Variants in MRPS6 observed in about 807,000 individuals in gnomAD.
The protein encoded by MRPS6 is mitochondrial ribosomal protein S6.
Under a neutral mutation model 13.1 loss-of-function variants are expected in MRPS6, and 6 were observed. The observed-to-expected ratio is 0.46, with a 90% CI of 0.25 to 0.91. The LOEUF (loss-of-function observed/expected upper bound fraction) is 0.91. Ranked by LOEUF, MRPS6 falls within the 40% of genes least tolerant of loss-of-function variation. The probability of loss-of-function intolerance (pLI) is 0.18; values close to 1 mark genes in which losing one functional copy is unlikely to be tolerated. For synonymous variants in MRPS6, 61 were observed against 56.5 expected (o/e 1.08, Z -0.36); for missense variants, 164 against 155.6 (o/e 1.05, Z -0.29).
intron 2 of MRPS6, among the ~76,000 whole-genome samples, chr21:34,133,179 T>C (rs1408499186): frequency 1.3e-5 from 2 of 152,234 alleles, no homozygotes; most frequent in Non-Finnish European, 2.9e-5. Flanking sequence ...TAGAGTCTTA[T>C]GAAAGACACT....
chr21:34,096,263 G>A lies in MRPS6; in HGVS notation c.45+22518G>A, dbSNP rs1378488107. The A allele has an allele frequency of 1.2e-6, 2 of 1,614,046 alleles. No homozygotes were observed. Among genetic ancestry groups the A allele is most frequent in the Non-Finnish European group, 1.7e-6 (2 of 1,180,024 alleles). On this transcript the variant is annotated intron_variant, in intron 1 of 2. Coordinates refer to ENST00000399312, the MANE Select transcript of MRPS6 (RefSeq NM_032476.4). The surrounding 1 kb of genome is among the most constrained non-coding windows in gnomAD (Gnocchi z 5.9). ...CCAATATTGCTTACCCACGCCTGGT[G>A]ATGAAGCTGGTTCCTGTGGGCCTTC...
intron 1 of MRPS6, among the ~76,000 whole-genome samples, chr21:34,074,238 C>G (rs1165196937): frequency 6.6e-6 from 1 of 151,558 alleles, no homozygotes; most frequent in Non-Finnish European, 1.5e-5. Flanking sequence ...CGCCCGCCGG[C>G]CGCCCGGAAC....
At chr21:34,095,439 G>A (rs1978924132) in intron 1 of MRPS6, 6 of 1,614,052 alleles carry the variant, frequency 3.7e-6, no homozygotes, top group East Asian at 2.2e-5. Flanking sequence ...TGCAGTGGGC[G>A]CATGGGAATT....
intron 1 of MRPS6, chr21:34,125,048 G>A (rs1602958671): frequency 3.6e-6 from 1 of 274,370 alleles, no homozygotes; most frequent in Non-Finnish European, 6.8e-6. Flanking sequence ...GTGCTCTGAA[G>A]AAGCCACTCA....
chr21:34,135,566 C>A, intron 2 of MRPS6: 1 of 459,932 alleles, frequency 2.2e-6, no homozygotes, highest in Admixed American at 2.4e-5. Context: ...CGGAGGGCAC[C>A]CTCAAGAGTG....
chr21:34,073,947 G>T (rs1989254965), intron 1 of MRPS6, among the ~76,000 whole-genome samples: 1 of 145,862 alleles, frequency 6.9e-6, no homozygotes, highest in Admixed American at 6.8e-5. Context: ...GCGCGCGGGA[G>T]GCGGGGGTGT....
intron 1 of MRPS6, 81 bp from the exon 2 acceptor site, chr21:34,125,260 C>G: frequency 6.5e-7 from 1 of 1,542,758 alleles, no homozygotes; most frequent in Admixed American, 2.1e-5. Flanking sequence ...ATGATTGGAA[C>G]TGAGCAGACT....
intron 1 of MRPS6, among the ~76,000 whole-genome samples, chr21:34,111,400 C>G (rs1979693945): frequency 6.6e-6 from 1 of 152,192 alleles, no homozygotes; most frequent in African/African-American, 2.4e-5. Flanking sequence ...TCTGATTGAC[C>G]TTAAATCTGT....
intron 1 of MRPS6, among the ~76,000 whole-genome samples, chr21:34,082,088 ATACTTAGG>A: frequency 6.6e-6 from 1 of 151,582 alleles, no homozygotes; most frequent in Non-Finnish European, 1.5e-5. Flanking sequence ...AACTAATTGA[ATACTTAGG>A]TACCATGGAT....
intron 1 of MRPS6, chr21:34,122,189 C>G (rs1242741008): frequency 1.3e-5 from 2 of 152,180 alleles, no homozygotes; most frequent in East Asian, 3.8e-4. Flanking sequence ...ACAGATCTAC[C>G]TTTAGCACAG....
intron 1 of MRPS6, chr21:34,095,882 A>G: frequency 3.7e-6 from 6 of 1,614,064 alleles, no homozygotes; most frequent in Non-Finnish European, 5.1e-6. Context: ...CTTCCATCTT[A>G]TTGACATACA....
chr21:34,104,064 A>G, intron 1 of MRPS6: 1 of 1,000,102 alleles, frequency 1.0e-6, no homozygotes, highest in Non-Finnish European at 1.2e-6. Flanking sequence ...TAACAGGGCA[A>G]ATACTACTTG....
intron 1 of MRPS6, among the ~76,000 whole-genome samples, chr21:34,115,019 T>G (rs975499210): frequency 6.6e-6 from 1 of 152,166 alleles, no homozygotes; most frequent in Non-Finnish European, 1.5e-5. Flanking sequence ...TTAAAGGCAT[T>G]TTGCCTACCT....
At chr21:34,075,014 A>G (rs1989292651) in intron 1 of MRPS6, among the ~76,000 whole-genome samples, 1 of 152,180 alleles carries the variant, frequency 6.6e-6, no homozygotes, top group South Asian at 2.1e-4. Flanking sequence ...TTAAGATAGT[A>G]TCTGTTCAGC....
chr21:34,136,996 CTA>C (rs1163385728), intron 2 of MRPS6, among the ~76,000 whole-genome samples: 1 of 152,124 alleles, frequency 6.6e-6, no homozygotes, highest in Admixed American at 6.5e-5. Context: ...TTGTAAATCT[CTA>C]TTTTTGTACT....
chr21:34,077,581 A>G (rs1283255821), intron 1 of MRPS6, among the ~76,000 whole-genome samples: 1 of 152,184 alleles, frequency 6.6e-6, no homozygotes, highest in Non-Finnish European at 1.5e-5. Context: ...TTATATATAT[A>G]TATCTTCATA....
At chr21:34,099,560 T>C in intron 1 of MRPS6, 2 of 999,960 alleles carry the variant, frequency 2.0e-6, no homozygotes, top group Middle Eastern at 5.2e-4. Flanking sequence ...CTGGGCAGCC[T>C]ATCTCTTCCA....
chr21:34,086,678 T>C (rs1043836979), intron 1 of MRPS6, among the ~76,000 whole-genome samples: 1 of 152,228 alleles, frequency 6.6e-6, no homozygotes, highest in African/African-American at 2.4e-5. Context: ...ATCATTATCA[T>C]GTCTGCCTCT....
At chr21:34,089,914 C>T (rs961457005) in intron 1 of MRPS6, among the ~76,000 whole-genome samples, 3 of 152,180 alleles carry the variant, frequency 2.0e-5, no homozygotes, top group Non-Finnish European at 2.9e-5. Flanking sequence ...TAAAACATTA[C>T]GGTACAGGTT....
Sources: allele counts gnomAD v4.1 joint callset (sites outside exome capture counted in the v4.1 genomes callset), GRCh38; gene constraint gnomAD v4.1.1; non-coding constraint Gnocchi (gnomAD v3.1); transcripts MANE v1.5; gene names NCBI Gene and HGNC (gene_info 2026-07-23, HGNC 2026-07-21).